Variants in CPE observed in about 807,000 individuals in gnomAD.
The protein encoded by CPE is carbocypeptidase E.
In CPE, 17 loss-of-function variants were observed where a neutral mutation model predicts 53.5. The observed-to-expected ratio is 0.32, with a 90% CI of 0.22 to 0.48. The LOEUF (loss-of-function observed/expected upper bound fraction) is 0.48. Ranked by LOEUF, CPE falls within the 20% of genes least tolerant of loss-of-function variation. CPE has a pLI of 0.99. For missense variants in CPE, 524 were observed against 614.7 expected (o/e 0.85, Z 1.56); for synonymous variants, 226 against 228.8 (o/e 0.99, Z 0.11).
In CPE at chr4:165,379,393, G is replaced by A. The variant is rs1481052932; in HGVS notation, c.172G>A (p.Glu58Lys). Reference protein sequence around the residue: ...GISFEYHRYPELREALVSVWL... With the variant: ...GISFEYHRYPKLREALVSVWL... ...CTCCTTCGAGTACCACCGCTACCCC[G>A]AGCTGCGCGAGGCGCTCGTGTCCGT... The change falls in exon 1 of 9, where the codon GAG (glutamate) becomes AAG (lysine). Residue 58 changes from glutamate to lysine, a missense_variant. Physicochemically the swap from Glu to Lys is moderately conservative, Grantham distance 56. Transcript: ENST00000402744. This position sits in a 1 kb window ranked among gnomAD's most constrained non-coding sequence, Gnocchi z 6.0. The A allele has an allele frequency of 6.2e-7, 1 of 1,609,422 alleles. No homozygotes were observed. The highest frequency in any genetic ancestry group is 8.5e-7 in the Non-Finnish European group (1 of 1,178,826).
intron 1 of CPE, among the ~76,000 whole-genome samples, chr4:165,403,732 T>C (rs1434701760): frequency 6.6e-6 from 1 of 151,814 alleles, no homozygotes; most frequent in Admixed American, 6.6e-5. Flanking sequence ...GGTGCAGAAT[T>C]GCCCTCACCA....
intron 3 of CPE, among the ~76,000 whole-genome samples, chr4:165,481,009 TA>T (rs1457961211): frequency 0.024 from 1,320 of 54,776 alleles, 11 homozygotes; most frequent in Non-Finnish European, 0.035. Context: ...TATATATATA[TA>T]TATATATTTT....
intron 1 of CPE, among the ~76,000 whole-genome samples, chr4:165,426,062 TC>T (rs2126676644): frequency 6.6e-6 from 1 of 152,326 alleles, no homozygotes; most frequent in African/African-American, 2.4e-5. Flanking sequence ...CAAGCTATGA[TC>T]AAGAGTCTTC....
In CPE at chr4:165,379,233, AG is replaced by A; in HGVS notation, c.17del (p.Gly6AlafsTer32). The A allele has an allele frequency of 8.1e-7, 1 of 1,238,712 alleles. No homozygotes were observed. Among genetic ancestry groups the A allele is most frequent in the Non-Finnish European group, 1.0e-6 (1 of 994,548 alleles). The allele number at this position is 1,238,712 out of a possible 1,614,324, so 76.7% of individuals were successfully genotyped here. MAGR[G>X]GSALLALCGA... ...GGCGGAGCGCAGCGATGGCCGGGCG[AG>A]GGGGCAGCGCGCTGCTGGCTCTGTG... is the stretch of plus-strand genomic sequence containing the variant. On this transcript the variant is annotated frameshift_variant, in exon 1 of 9. Transcript: ENST00000402744. LOFTEE classifies it high-confidence loss of function. The surrounding 1 kb of genome is among the most constrained non-coding windows in gnomAD (Gnocchi z 6.0).
At chr4:165,484,865 A>G (rs1371038789) in intron 5 of CPE, among the ~76,000 whole-genome samples, 1 of 152,214 alleles carries the variant, frequency 6.6e-6, no homozygotes, top group Non-Finnish European at 1.5e-5. Context: ...TTTGGAAAAT[A>G]ATAAATTGAA....
intron 1 of CPE, among the ~76,000 whole-genome samples, chr4:165,403,419 T>C (rs1730900323): frequency 6.6e-6 from 1 of 152,182 alleles, no homozygotes; most frequent in Admixed American, 6.5e-5. Context: ...TGCACACTGA[T>C]GGGGAAGCAG....
intron 1 of CPE, among the ~76,000 whole-genome samples, chr4:165,443,848 G>T (rs1731657250): frequency 6.6e-6 from 1 of 152,130 alleles, no homozygotes. Flanking sequence ...TTTGGGAGGT[G>T]ATTTGTACAT....
intron 1 of CPE, among the ~76,000 whole-genome samples, chr4:165,437,309 A>G (rs575134963): frequency 6.6e-6 from 1 of 152,332 alleles, no homozygotes; most frequent in South Asian, 2.1e-4. Context: ...ATTCTGGTCC[A>G]GCAAAAGCTT....
At chr4:165,385,641 T>G (rs1730579767) in intron 1 of CPE, among the ~76,000 whole-genome samples, 1 of 152,010 alleles carries the variant, frequency 6.6e-6, no homozygotes, top group Non-Finnish European at 1.5e-5. Context: ...ATGTGGGACA[T>G]TCTTGCTTTT....
chr4:165,390,829 G>T (rs965234605), intron 1 of CPE, among the ~76,000 whole-genome samples: 1 of 152,146 alleles, frequency 6.6e-6, no homozygotes, highest in African/African-American at 2.4e-5. Context: ...TTTTACTCAT[G>T]TGTCTAAATT....
At chr4:165,394,833 G>T (rs114551468) in intron 1 of CPE, among the ~76,000 whole-genome samples, 1,892 of 152,142 alleles carry the variant, frequency 0.012, 36 homozygotes, top group African/African-American at 0.044. Context: ...TTCCAGGTTT[G>T]TGAAAGTTTT....
At chr4:165,432,515 C>T (rs1457627757) in intron 1 of CPE, among the ~76,000 whole-genome samples, 3 of 152,074 alleles carry the variant, frequency 2.0e-5, no homozygotes, top group African/African-American at 4.8e-5. Context: ...AGGCTGGTTT[C>T]GAACTCCTGG....
chr4:165,389,733 C>T (rs1443884735), intron 1 of CPE, among the ~76,000 whole-genome samples: 2 of 152,248 alleles, frequency 1.3e-5, no homozygotes, highest in East Asian at 3.9e-4. Flanking sequence ...TATTAAATGC[C>T]ACTAGCATAA....
intron 6 of CPE, among the ~76,000 whole-genome samples, chr4:165,490,603 C>G (rs1732584211): frequency 7.4e-6 from 1 of 134,292 alleles, no homozygotes; most frequent in Non-Finnish European, 1.5e-5. Flanking sequence ...ACACTCCAGC[C>G]TGGGCGACAG....
chr4:165,390,628 G>A (rs908568072), intron 1 of CPE, among the ~76,000 whole-genome samples: 4 of 152,118 alleles, frequency 2.6e-5, no homozygotes, highest in Non-Finnish European at 5.9e-5. Context: ...TCTCCCCATT[G>A]TCCATAATGG....
At chr4:165,472,337 CT>C (rs1269583139) in intron 3 of CPE, among the ~76,000 whole-genome samples, 4 of 152,158 alleles carry the variant, frequency 2.6e-5, no homozygotes, top group Non-Finnish European at 5.9e-5. Context: ...TAAAGGCCAC[CT>C]TTTAAAGAGG....
intron 4 of CPE, among the ~76,000 whole-genome samples, chr4:165,482,668 G>A (rs1732435394): frequency 6.6e-6 from 1 of 152,190 alleles, no homozygotes; most frequent in South Asian, 2.1e-4. Flanking sequence ...TGATAAAGTG[G>A]AGAGATTACA....
intron 7 of CPE, among the ~76,000 whole-genome samples, chr4:165,495,155 A>G (rs750634526): frequency 1.9e-4 from 29 of 152,334 alleles, no homozygotes; most frequent in Non-Finnish European, 2.1e-4. Flanking sequence ...TACAAGGGCT[A>G]CCTTTGGCCC....
chr4:165,466,487 C>T (rs779518293), intron 2 of CPE, among the ~76,000 whole-genome samples: 1 of 152,138 alleles, frequency 6.6e-6, no homozygotes, highest in Non-Finnish European at 1.5e-5. Flanking sequence ...TATTTTTCTT[C>T]CTGCAGTAAT....
Sources: allele counts gnomAD v4.1 joint callset (sites outside exome capture counted in the v4.1 genomes callset), GRCh38; gene constraint gnomAD v4.1.1; non-coding constraint Gnocchi (gnomAD v3.1); transcripts MANE v1.5; gene names NCBI Gene and HGNC (gene_info 2026-07-23, HGNC 2026-07-21).